The following PDE3A variants were observed in gnomAD, a reference collection of about 807,000 sequenced individuals.
PDE3A encodes cGMP-inhibited 3',5'-cyclic phosphodiesterase 3A.
In PDE3A, 43 loss-of-function variants were observed where a neutral mutation model predicts 98.3. The observed-to-expected ratio is 0.44, with a 90% CI of 0.34 to 0.56. PDE3A has a LOEUF of 0.56. Among genes scored for constraint, PDE3A ranks in the 20% least tolerant of loss-of-function variants. The pLI, the probability that PDE3A is intolerant of heterozygous loss-of-function variation, is 0.01. For synonymous variants in PDE3A, 663 were observed against 567.9 expected, an observed-to-expected ratio of 1.17 and a Z score of -2.38; for missense variants, 1,427 against 1,440.7, an observed-to-expected ratio of 0.99 and a Z score of 0.15.
At chr12:20,440,010 G>T (rs1256884624) in intron 1 of PDE3A, among the ~76,000 whole-genome samples, 1 of 152,054 alleles carries the variant, frequency 6.6e-6, no homozygotes, top group Non-Finnish European at 1.5e-5. Context: ...AATTGTTTCT[G>T]TGTACATTCT....
chr12:20,576,526 T>C (rs911340256), intron 2 of PDE3A, among the ~76,000 whole-genome samples: 2 of 152,056 alleles, frequency 1.3e-5, no homozygotes, highest in Non-Finnish European at 2.9e-5. Flanking sequence ...GGCAGAAGCA[T>C]TAAGATATCT....
intron 2 of PDE3A, among the ~76,000 whole-genome samples, chr12:20,566,957 A>G (rs989459891): frequency 2.0e-5 from 3 of 151,994 alleles, no homozygotes; most frequent in African/African-American, 7.2e-5. Context: ...ATGGTAGTAT[A>G]TGCACAATTA....
chr12:20,627,219 T>C (rs570909205), intron 5 of PDE3A, among the ~76,000 whole-genome samples: 1 of 151,554 alleles, frequency 6.6e-6, no homozygotes, highest in African/African-American at 2.4e-5. Context: ...AGCTAAGGAA[T>C]TGCCTAACAC....
intron 1 of PDE3A, among the ~76,000 whole-genome samples, chr12:20,376,666 G>T (rs1365355380): frequency 2.0e-5 from 3 of 151,664 alleles, no homozygotes; most frequent in Admixed American, 6.6e-5. Flanking sequence ...GTATGTTCAG[G>T]ATTTCCAAAT....
At chr12:20,578,474 TACACACACAC>T (rs5796870) in intron 2 of PDE3A, among the ~76,000 whole-genome samples, 2,515 of 148,540 alleles carry the variant, frequency 0.017, 62 homozygotes, top group African/African-American at 0.054. Context: ...ATACAACTAA[TACACACACAC>T]ACACACACAC....
At chr12:20,499,054 A>C (rs1343458742) in intron 1 of PDE3A, among the ~76,000 whole-genome samples, 5 of 152,160 alleles carry the variant, frequency 3.3e-5, no homozygotes, top group African/African-American at 1.2e-4. Flanking sequence ...GTAAGGATTA[A>C]AAAATTATAT....
At chr12:20,423,332 GTA>G in intron 1 of PDE3A, among the ~76,000 whole-genome samples, 1 of 152,202 alleles carries the variant, frequency 6.6e-6, no homozygotes, top group East Asian at 1.9e-4. Context: ...TTCTGTTTCT[GTA>G]TCTCTTTCAC....
intron 2 of PDE3A, among the ~76,000 whole-genome samples, chr12:20,601,026 A>T (rs1216455161): frequency 6.6e-6 from 1 of 152,210 alleles, no homozygotes; most frequent in Non-Finnish European, 1.5e-5. Context: ...AAAGTACCAG[A>T]TACCACACTG....
rs1032182995 is a variant in PDE3A at position 20,369,239 on chromosome 12, G to C, written c.-46G>C. The C allele has an allele frequency of 4.2e-6, 6 of 1,414,088 alleles. No individual in the cohort carries two copies. In the African/African-American group the frequency reaches 8.6e-5, roughly 20 times the overall value. The allele number at this position is 1,414,088 out of a possible 1,614,324, so 87.6% of individuals were successfully genotyped here. A position where few individuals can be genotyped will look rare whatever the true frequency, so the allele number is the denominator to read the frequency against. The stretch of plus-strand genomic sequence containing the variant: ...CGCGCGCGCGTGGGTCGGGGCGGGG[G>C]CGTCGGGGGGCCACTGGGAATTCAG... On this transcript the variant is annotated 5_prime_UTR_variant, in exon 1 of 16. Coordinates refer to ENST00000359062, the MANE Select transcript of PDE3A (RefSeq NM_000921.5).
chr12:20,621,442 C>T (rs753442069), intron 5 of PDE3A, 31 bp downstream of exon 5: 2 of 1,145,466 alleles, frequency 1.7e-6, no homozygotes, highest in Admixed American at 1.7e-5. Flanking sequence ...AGGGTTCATA[C>T]TGTGAGTGTG....
chr12:20,573,010 G>A (rs1942838677), intron 2 of PDE3A, among the ~76,000 whole-genome samples: 2 of 151,916 alleles, frequency 1.3e-5, no homozygotes, highest in Non-Finnish European at 2.9e-5. Flanking sequence ...TCCAAACTTG[G>A]GAGTTGGTTC....
At chr12:20,623,043 G>A (rs116431644) in intron 5 of PDE3A, among the ~76,000 whole-genome samples, 2,202 of 152,136 alleles carry the variant, frequency 0.014, 53 homozygotes, top group African/African-American at 0.05. Context: ...TAATAGCAAT[G>A]AGAAAAGACA....
At chr12:20,404,574 T>C (rs1322049269) in intron 1 of PDE3A, among the ~76,000 whole-genome samples, 2 of 152,180 alleles carry the variant, frequency 1.3e-5, no homozygotes, top group African/African-American at 4.8e-5. Flanking sequence ...TTTTTATTGA[T>C]TTATTGGTTA....
At chr12:20,674,602 G>A (rs1055430689) in intron 15 of PDE3A, among the ~76,000 whole-genome samples, 5 of 152,078 alleles carry the variant, frequency 3.3e-5, no homozygotes, top group African/African-American at 1.2e-4. Context: ...TTATTGTTGG[G>A]AGTCTTTATT....
rs1208106156 is a variant in PDE3A at position 20,682,027 on chromosome 12, A to G, written c.*1756A>G. 1 of 152,222 alleles carries G rather than the reference A, an allele frequency of 6.6e-6. No homozygotes were observed. The highest frequency in any genetic ancestry group is 2.4e-5 in the African/African-American group (1 of 41,464). The allele number at this position is 152,222 out of a possible 1,614,324, so 9.4% of individuals were successfully genotyped here. A position where few individuals can be genotyped will look rare whatever the true frequency, so the allele number is the denominator to read the frequency against. On this transcript the variant is annotated 3_prime_UTR_variant, in exon 16 of 16. Coordinates refer to ENST00000359062, the MANE Select transcript of PDE3A (RefSeq NM_000921.5). ...GATTCATTTGCATGGAGGTCGATGG[A>G]CAACCAATCATCTACCTTTTCTAAT...
chr12:20,626,267 C>T (rs111603096), intron 5 of PDE3A, among the ~76,000 whole-genome samples: 1 of 147,202 alleles, frequency 6.8e-6, no homozygotes, highest in Non-Finnish European at 1.5e-5. Flanking sequence ...ATCTCCCTAT[C>T]TTTTTGAAGA....
At chr12:20,666,308 A>G (rs1043807119) in intron 15 of PDE3A, among the ~76,000 whole-genome samples, 4 of 152,146 alleles carry the variant, frequency 2.6e-5, no homozygotes, top group Non-Finnish European at 4.4e-5. Flanking sequence ...TCTTCCCACT[A>G]TTTTAAAGTA....
intron 2 of PDE3A, among the ~76,000 whole-genome samples, chr12:20,565,420 G>A (rs182391217): frequency 2.8e-4 from 42 of 151,876 alleles, no homozygotes; most frequent in African/African-American, 9.7e-4. Flanking sequence ...AAGTTCTGTG[G>A]GTGGATTTTT....
At chr12:20,616,545 G>T (rs778044265) in intron 4 of PDE3A, among the ~76,000 whole-genome samples, 161 bp downstream of exon 4, 3 of 152,138 alleles carry the variant, frequency 2.0e-5, no homozygotes, top group Non-Finnish European at 4.4e-5. Flanking sequence ...CAGTATAGGG[G>T]TTAACATCAG....
Sources: gnomAD v4.1 joint callset for allele counts (sites outside exome capture counted in the v4.1 genomes callset) on GRCh38, gnomAD v4.1.1 for gene constraint, MANE v1.5 for transcripts, NCBI Gene and HGNC (gene_info 2026-07-23, HGNC 2026-07-21) for gene names.